Variants in DNAJC1 observed in about 807,000 individuals in gnomAD.
DNAJC1 encodes the protein dnaJ homolog subfamily C member 1.
In DNAJC1, 58 loss-of-function variants were observed where a neutral mutation model predicts 76.6. The ratio of observed to expected loss-of-function variants is 0.76; its 90% CI spans 0.61 to 0.94. DNAJC1 has a LOEUF of 0.94. Among genes scored for constraint, DNAJC1 ranks in the 40% least tolerant of loss-of-function variants. The pLI is 0.00. For missense variants in DNAJC1, 689 were observed against 677.3 expected (o/e 1.02, Z -0.19); for synonymous variants, 258 against 267.9 (o/e 0.96, Z 0.36).
intron 6 of DNAJC1, among the ~76,000 whole-genome samples, chr10:21,914,777 T>C (rs1836924484): frequency 6.6e-6 from 1 of 152,208 alleles, no homozygotes. Context: ...TACAAAATTA[T>C]CTTTGTATAC....
At chr10:21,792,882 A>C (rs1220031932) in intron 9 of DNAJC1, among the ~76,000 whole-genome samples, 4 of 152,124 alleles carry the variant, frequency 2.6e-5, no homozygotes, top group African/African-American at 9.7e-5. Flanking sequence ...ACTATGCCAT[A>C]TTAATAAAAC....
chr10:21,911,366 T>C (rs2131755555), intron 6 of DNAJC1, among the ~76,000 whole-genome samples: 1 of 152,008 alleles, frequency 6.6e-6, no homozygotes, highest in East Asian at 1.9e-4. Flanking sequence ...ATTGTTTTGT[T>C]CTCCCATTGA....
intron 10 of DNAJC1, among the ~76,000 whole-genome samples, chr10:21,763,834 A>C (rs1407079136): frequency 6.6e-6 from 1 of 152,134 alleles, no homozygotes; most frequent in East Asian, 1.9e-4. Flanking sequence ...GGATGATGCC[A>C]AGTGACGAGG....
At chr10:21,903,655 C>A (rs1028399460) in intron 7 of DNAJC1, among the ~76,000 whole-genome samples, 1 of 152,082 alleles carries the variant, frequency 6.6e-6, no homozygotes, top group Non-Finnish European at 1.5e-5. Context: ...CAGAGATGAA[C>A]AGTCTCTGTT....
chr10:21,871,431 A>G (rs748990395), intron 8 of DNAJC1, among the ~76,000 whole-genome samples: 11 of 151,816 alleles, frequency 7.2e-5, no homozygotes, highest in Non-Finnish European at 1.6e-4. Context: ...CCAGGCATTT[A>G]TGAAAATCTC....
intron 8 of DNAJC1, among the ~76,000 whole-genome samples, chr10:21,807,683 A>G (rs576275611): frequency 6.6e-6 from 1 of 152,288 alleles, no homozygotes; most frequent in East Asian, 1.9e-4. Context: ...GATTTTATCA[A>G]TCATTCTATT....
intron 1 of DNAJC1, among the ~76,000 whole-genome samples, chr10:21,966,726 C>A (rs1330252516): frequency 6.7e-6 from 1 of 150,192 alleles, no homozygotes; most frequent in Non-Finnish European, 1.5e-5. Flanking sequence ...ACACTTGTTG[C>A]CCAGGCTGGA....
chr10:21,978,614 A>T (rs138153734), intron 1 of DNAJC1, among the ~76,000 whole-genome samples: 2 of 152,206 alleles, frequency 1.3e-5, no homozygotes, highest in Non-Finnish European at 2.9e-5. Context: ...GGAATCCTAC[A>T]TTTCTGTCAA....
chr10:21,819,863 G>A lies in DNAJC1; in HGVS notation c.979-13764C>T, dbSNP rs142873202. Among the ~76,000 whole-genome samples the A allele has an allele frequency of 3.8e-3, 583 of 152,314 alleles. 5 individuals carry two copies. Among genetic ancestry groups the A allele is most frequent in the African/African-American group, 0.013 (551 of 41,576 alleles). ...GAGAATCGCTTGAGCCCAGGAGGCA[G>A]AGGTTGTAGCGAGCTGAGATCACGC... On this transcript the variant is annotated intron_variant, in intron 8 of 11. Transcript: ENST00000376980.
chr10:21,853,312 T>A (rs1835784250), intron 8 of DNAJC1, among the ~76,000 whole-genome samples: 1 of 152,198 alleles, frequency 6.6e-6, no homozygotes, highest in Non-Finnish European at 1.5e-5. Context: ...TCACTCTCTG[T>A]ACTTTGAGTA....
chr10:21,762,607 A>C (rs759674351), intron 10 of DNAJC1, among the ~76,000 whole-genome samples: 9 of 152,166 alleles, frequency 5.9e-5, no homozygotes, highest in Non-Finnish European at 1.2e-4. Context: ...AACTAAATAG[A>C]AAGTGTTACT....
chr10:21,967,024 T>TA (rs1166179955), intron 1 of DNAJC1, among the ~76,000 whole-genome samples: 1 of 151,102 alleles, frequency 6.6e-6, no homozygotes, highest in Non-Finnish European at 1.5e-5. Flanking sequence ...CTTTTTTTTT[T>TA]TTTTTTACAG....
At position 21,815,317 on chromosome 10, in the gene DNAJC1, C is replaced by T. The variant is rs561831784; in HGVS notation, c.979-9218G>A. 1.9e-3 allele frequency among the ~76,000 whole-genome samples: 289 copies of T among 152,238 alleles called. 2 individuals carry two copies. Among genetic ancestry groups the T allele is most frequent in the Middle Eastern group, 0.01 (3 of 294 alleles). The stretch of plus-strand genomic sequence containing the variant: ...ATTCAGGTAAGCCTGAACTCTCTGC[C>T]GGGGGTTGTTCTTGATGATCAAACT... On this transcript the variant is annotated intron_variant, in intron 8 of 11. Coordinates refer to ENST00000376980, the MANE Select transcript of DNAJC1 (RefSeq NM_022365.4).
chr10:21,977,854 T>A (rs745752376), intron 1 of DNAJC1, among the ~76,000 whole-genome samples: 1 of 152,092 alleles, frequency 6.6e-6, no homozygotes, highest in East Asian at 1.9e-4. Context: ...TTGTCTAATA[T>A]AAAAATTCTT....
rs371061897 is a variant in DNAJC1, at chr10:21,759,158, C to G, written c.1596+12G>C. 1.6e-4 allele frequency: 265 copies of G among 1,607,442 alleles called. 1 individual carries two copies. The highest frequency in any genetic ancestry group is 2.1e-4 in the Non-Finnish European group (252 of 1,176,508). On this transcript the variant is annotated intron_variant, in intron 11 of 11. Coordinates refer to ENST00000376980, the MANE Select transcript of DNAJC1 (RefSeq NM_022365.4). ...TAACACCTGTGCAGAGGCCTCTTTC[C>G]CCATCACTCACCTTGCTCTTGGACG...
At chr10:21,825,495 G>A (rs1835232663) in intron 8 of DNAJC1, among the ~76,000 whole-genome samples, 1 of 152,170 alleles carries the variant, frequency 6.6e-6, no homozygotes. Flanking sequence ...GAACATGGCT[G>A]TAAGTGTTAT....
intron 1 of DNAJC1, among the ~76,000 whole-genome samples, chr10:21,968,935 T>A (rs1390106057): frequency 6.6e-6 from 1 of 152,122 alleles, no homozygotes; most frequent in Non-Finnish European, 1.5e-5. Context: ...AAGAAAATCC[T>A]AGGAGCCTGG....
chr10:21,847,335 A>T (rs2131684672), intron 8 of DNAJC1, among the ~76,000 whole-genome samples: 1 of 152,280 alleles, frequency 6.6e-6, no homozygotes, highest in East Asian at 1.9e-4. Context: ...TAATAATTGG[A>T]CATATTTATG....
At chr10:21,990,546 A>AT (rs997309903) in intron 1 of DNAJC1, among the ~76,000 whole-genome samples, 17 of 152,344 alleles carry the variant, frequency 1.1e-4, no homozygotes, top group Admixed American at 2.6e-4. Flanking sequence ...GGCTTTAAGA[A>AT]TAAAATTTCC....
Sources: allele counts gnomAD v4.1 joint callset (sites outside exome capture counted in the v4.1 genomes callset), GRCh38; gene constraint gnomAD v4.1.1; transcripts MANE v1.5; gene names NCBI Gene and HGNC (gene_info 2026-07-23, HGNC 2026-07-21).